Variants in ACO2 observed in about 807,000 individuals in gnomAD.
ACO2 encodes the protein aconitase 2.
ACO2 carries 31 observed loss-of-function variants against 84.5 expected under a neutral mutation model. The ratio of observed to expected loss-of-function variants is 0.37; its 90% CI spans 0.28 to 0.50. ACO2 has a LOEUF of 0.50. Ranked by LOEUF, ACO2 falls within the 20% of genes least tolerant of loss-of-function variation. ACO2 has a pLI of 0.97. For missense variants in ACO2, 685 were observed against 1,029.3 expected (o/e 0.67, Z 4.58); for synonymous variants, 414 against 412.7 (o/e 1.00, Z -0.04).
At chr22:41,487,248 C>G (rs185659996) in intron 1 of ACO2, among the ~76,000 whole-genome samples, 1 of 152,314 alleles carries the variant, frequency 6.6e-6, no homozygotes, top group African/African-American at 2.4e-5. Context: ...GCCAAATTCC[C>G]TGGACTCCTT....
At position 41,515,692 on chromosome 22, in the gene ACO2, G is replaced by A. The variant is rs765850134; in HGVS notation, c.685-75G>A. On this transcript the variant is annotated intron_variant, in intron 5 of 17. Transcript: ENST00000216254. This position sits in a 1 kb window ranked among gnomAD's most constrained non-coding sequence, Gnocchi z 5.8. ...CCAATAAGCAGCAATGTGAATGGCAGCAGGGCCATCCTGACTTCGTGGCTG... is the reference window on the plus strand; with the variant it reads ...CCAATAAGCAGCAATGTGAATGGCAACAGGGCCATCCTGACTTCGTGGCTG... The A allele has an allele frequency of 6.2e-6, 10 of 1,606,848 alleles. No homozygotes were observed. The highest frequency in any genetic ancestry group is 1.3e-5 in the African/African-American group (1 of 74,810).
intron 4 of ACO2, among the ~76,000 whole-genome samples, chr22:41,513,907 C>G (rs534204639): frequency 1.4e-5 from 2 of 142,812 alleles, no homozygotes; most frequent in African/African-American, 4.9e-5. Flanking sequence ...GTCTGCCTGA[C>G]CTCTCCCCCT....
chr22:41,520,326 C>G, intron 9 of ACO2, 50 bp downstream of exon 9: 1 of 1,460,870 alleles, frequency 6.8e-7, no homozygotes, highest in Non-Finnish European at 9.5e-7. Context: ...GCCAGTGGCT[C>G]TGCCCAGGGC....
chr22:41,507,182 C>CT (rs1275233932), intron 2 of ACO2, among the ~76,000 whole-genome samples: 2 of 152,060 alleles, frequency 1.3e-5, no homozygotes, highest in Non-Finnish European at 2.9e-5. Flanking sequence ...ACAGATACTC[C>CT]TGTCTATGTC....
At chr22:41,501,810 C>G (rs915645072) in intron 2 of ACO2, among the ~76,000 whole-genome samples, 2 of 152,170 alleles carry the variant, frequency 1.3e-5, no homozygotes, top group South Asian at 2.1e-4. Context: ...GGTATCCCCA[C>G]TTCGGTTTTA....
chr22:41,498,455 G>A (rs2066330849), intron 1 of ACO2, among the ~76,000 whole-genome samples: 1 of 152,220 alleles, frequency 6.6e-6, no homozygotes, highest in Admixed American at 6.5e-5. Context: ...ATTTGGGAGT[G>A]GCTTGGCTGG....
chr22:41,509,153 A>T (rs940463861), intron 3 of ACO2, among the ~76,000 whole-genome samples: 1 of 152,108 alleles, frequency 6.6e-6, no homozygotes, highest in African/African-American at 2.4e-5. Context: ...ATGGCCGGGA[A>T]CGTGGGTCCT....
chr22:41,470,528 CTTTT>C (rs71184811), intron 1 of ACO2, among the ~76,000 whole-genome samples: 3 of 95,858 alleles, frequency 3.1e-5, no homozygotes, highest in Admixed American at 1.3e-4. Context: ...CTCTTTACAT[CTTTT>C]TTTTTTTTTT....
intron 1 of ACO2, among the ~76,000 whole-genome samples, chr22:41,493,712 T>C (rs1444090192): frequency 6.6e-6 from 1 of 151,922 alleles, no homozygotes; most frequent in Non-Finnish European, 1.5e-5. Flanking sequence ...GAGGCCGAGA[T>C]GTGAGGATCT....
Position 41,517,547 on chromosome 22 carries a change from A to G in ACO2, c.856A>G (p.Met286Val), listed in dbSNP as rs754654913. 5 of 1,613,934 alleles carry G rather than the reference A, an allele frequency of 3.1e-6. No individual in the cohort carries two copies. Among genetic ancestry groups the G allele is most frequent in the Non-Finnish European group, 1.7e-6 (2 of 1,179,972 alleles). ...SCTGMATICN[M>V]GAEIGATTSV... ...CACAGGCATGGCGACAATCTGCAAC[A>G]TGGGTGCAGAAATTGGGGCCACCAC... The change falls in exon 7 of 18, where the codon ATG (methionine) becomes GTG (valine). Residue 286 changes from methionine (M) to valine (V), a missense_variant. Around this residue, in one of 5 missense-constraint regions of ACO2, gnomAD observed 311 missense variants for 441.6 expected, o/e 0.70. Transcript: ENST00000216254.
intron 4 of ACO2, among the ~76,000 whole-genome samples, chr22:41,513,018 T>C (rs1016669602): frequency 1.3e-5 from 2 of 152,100 alleles, no homozygotes; most frequent in African/African-American, 4.8e-5. Context: ...ACCGCCCCGC[T>C]CTGAAACCAG....
intron 12 of ACO2, among the ~76,000 whole-genome samples, chr22:41,524,584 G>T (rs887364018): frequency 6.6e-6 from 1 of 152,248 alleles, no homozygotes; most frequent in African/African-American, 2.4e-5. Context: ...TAGCTGTGAG[G>T]AGAGAGAACA....
Position 41,526,291 on chromosome 22 carries a change from C to T in ACO2, c.1791C>T (p.Ile597=), listed in dbSNP as rs1187408863. 1 of 1,612,348 alleles carries T rather than the reference C, an allele frequency of 6.2e-7. No individual in the cohort carries two copies. Among genetic ancestry groups the T allele is most frequent in the African/African-American group, 1.3e-5 (1 of 74,896 alleles). ...AAGGGAAGTGTACCACTGACCACAT[C>T]TCAGCTGCTGGCCCCTGGCTCAAGT... ...KVKGKCTTDH[I]SAAGPWLKFR... The change falls in exon 15 of 18, where the codon ATC becomes ATT. Residue 597 remains isoleucine, a synonymous_variant. Coordinates refer to ENST00000216254, the MANE Select transcript of ACO2 (RefSeq NM_001098.3).
chr22:41,501,191 A>G (rs1480197691), intron 2 of ACO2, among the ~76,000 whole-genome samples: 1 of 151,688 alleles, frequency 6.6e-6, no homozygotes, highest in African/African-American at 2.4e-5. Context: ...TTTTGTAGAG[A>G]TGGGGTATCG....
chr22:41,513,414 C>A (rs893552333), intron 4 of ACO2, among the ~76,000 whole-genome samples: 4 of 152,226 alleles, frequency 2.6e-5, no homozygotes, highest in Non-Finnish European at 4.4e-5. Context: ...CTTGATGTCA[C>A]GTCTTCAGCA....
chr22:41,517,679 G>T, intron 7 of ACO2, 48 bp downstream of exon 7: 1 of 1,501,674 alleles, frequency 6.7e-7, no homozygotes, highest in Non-Finnish European at 9.3e-7. Context: ...TCACATGCCC[G>T]CTCCTCCCCA....
chr22:41,470,151 G>T (rs150802556), intron 1 of ACO2, among the ~76,000 whole-genome samples: 2 of 152,286 alleles, frequency 1.3e-5, no homozygotes, highest in African/African-American at 2.4e-5. Flanking sequence ...CTTCTAACTT[G>T]ACAGCCCTGG....
At position 41,523,067 on chromosome 22, in the gene ACO2, G is replaced by C. The variant is rs945290880; in HGVS notation, c.1296+80G>C. Reference sequence around the variant, plus strand: ...CCAGGCGGCACAAGCCCAGAGGCCTGTTGGGCCGGGGCTGGGGCAGGTCCC... The same window carrying C: ...CCAGGCGGCACAAGCCCAGAGGCCTCTTGGGCCGGGGCTGGGGCAGGTCCC... On this transcript the variant is annotated intron_variant, in intron 10 of 17. Transcript: ENST00000216254. The C allele has an allele frequency of 3.8e-6, 6 of 1,581,508 alleles. No individual in the cohort carries two copies. In the African/African-American group the frequency reaches 6.7e-5, roughly 18 times the overall value.
intron 2 of ACO2, 97 bp from the exon 3 acceptor site, chr22:41,507,694 C>T (rs1292390349): frequency 2.0e-6 from 3 of 1,503,460 alleles, no homozygotes; most frequent in East Asian, 2.3e-5. Flanking sequence ...TGTCCCTGGC[C>T]ACTGTTGAGG....
Sources: allele counts gnomAD v4.1 joint callset (sites outside exome capture counted in the v4.1 genomes callset), GRCh38; gene constraint gnomAD v4.1.1; regional missense constraint gnomAD v4.1.1; non-coding constraint Gnocchi (gnomAD v3.1); transcripts MANE v1.5; gene names NCBI Gene and HGNC (gene_info 2026-07-23, HGNC 2026-07-21).